CSMD3: variants seen among roughly 807,000 people sequenced by gnomAD.
CSMD3 encodes CUB and sushi domain-containing protein 3.
Under a neutral mutation model 435.2 loss-of-function variants are expected in CSMD3, and 177 were observed. The observed-to-expected ratio is 0.41, with a 90% CI of 0.36 to 0.46. The LOEUF (loss-of-function observed/expected upper bound fraction) is 0.46, where lower values mean the gene tolerates loss of function less well. Ranked by LOEUF, CSMD3 falls within the 20% of genes least tolerant of loss-of-function variation. The pLI is 0.34. For missense variants in CSMD3, 4,265 were observed against 4,504.6 expected (o/e 0.95, Z 1.52); for synonymous variants, 1,656 against 1,520.5 (o/e 1.09, Z -2.07).
At chr8:112,910,096 T>C (rs540232014) in intron 10 of CSMD3, among the ~76,000 whole-genome samples, 2 of 151,954 alleles carry the variant, frequency 1.3e-5, no homozygotes, top group East Asian at 3.9e-4. Context: ...TGCAGTTAAA[T>C]TGACCAATTT....
intron 30 of CSMD3, among the ~76,000 whole-genome samples, chr8:112,502,197 C>T (rs1235796166): frequency 1.3e-5 from 2 of 152,196 alleles, no homozygotes; most frequent in Non-Finnish European, 2.9e-5. Context: ...AGCTCACTCT[C>T]TCTAAAAGAG....
At chr8:113,103,970 C>A (rs2090403271) in intron 4 of CSMD3, among the ~76,000 whole-genome samples, 1 of 151,932 alleles carries the variant, frequency 6.6e-6, no homozygotes. Flanking sequence ...GGGTATGAGA[C>A]CACACCATTT....
chr8:112,431,499 T>C (rs1813706619), intron 32 of CSMD3, among the ~76,000 whole-genome samples: 1 of 152,084 alleles, frequency 6.6e-6, no homozygotes, highest in African/African-American at 2.4e-5. Context: ...AGTAATGACT[T>C]AGAGAAAAGG....
chr8:112,353,461 T>A (rs1471007895), intron 38 of CSMD3, among the ~76,000 whole-genome samples: 1 of 152,192 alleles, frequency 6.6e-6, no homozygotes, highest in Non-Finnish European at 1.5e-5. Context: ...CTACTTGAAT[T>A]CAGTATTTTT....
intron 57 of CSMD3, among the ~76,000 whole-genome samples, 188 bp from the exon 58 acceptor site, chr8:112,287,434 T>C (rs942434834): frequency 6.6e-6 from 1 of 152,042 alleles, no homozygotes; most frequent in East Asian, 1.9e-4. Flanking sequence ...AAAAAGAAAA[T>C]AGTTGCAGAG....
intron 5 of CSMD3, among the ~76,000 whole-genome samples, chr8:113,040,396 C>T (rs2087556100): frequency 6.6e-6 from 1 of 152,086 alleles, no homozygotes; most frequent in South Asian, 2.1e-4. Flanking sequence ...TGATTTGCAT[C>T]TGATAAAAAC....
chr8:112,936,936 T>A (rs2083297374), intron 9 of CSMD3, among the ~76,000 whole-genome samples: 1 of 152,156 alleles, frequency 6.6e-6, no homozygotes, highest in Non-Finnish European at 1.5e-5. Context: ...AATTGTCTTT[T>A]TATTTTTATT....
Position 112,228,827 on chromosome 8 carries a change from T to C in CSMD3, c.10893A>G (p.Val3631=), listed in dbSNP as rs2129837124. ...NQPHGTNSSS[V]AIAILVPFFA... ...AAAAAGGCACAAGAATAGCAATGGC[T>C]ACAGAACTACTATTTGTACCATGAG... The change falls in exon 70 of 71, where the codon GTA becomes GTG. Residue 3631 remains valine (V), a synonymous_variant. Transcript: ENST00000297405. 6.3e-7 allele frequency: 1 copy of C among 1,589,526 alleles called. No homozygotes were observed. The highest frequency in any genetic ancestry group is 8.6e-7 in the Non-Finnish European group (1 of 1,158,316).
chr8:112,262,607 G>A (rs888249219), intron 61 of CSMD3, among the ~76,000 whole-genome samples: 3 of 152,110 alleles, frequency 2.0e-5, no homozygotes, highest in Non-Finnish European at 4.4e-5. Flanking sequence ...GGTGACCAGA[G>A]AAGGCAATAC....
intron 3 of CSMD3, among the ~76,000 whole-genome samples, chr8:113,260,737 C>T (rs117860097): frequency 3.9e-5 from 6 of 152,066 alleles, no homozygotes; most frequent in Admixed American, 1.3e-4. Flanking sequence ...TTAAGCCCCA[C>T]TCCATAGGCC....
intron 13 of CSMD3, among the ~76,000 whole-genome samples, chr8:112,695,413 A>G (rs566169316): frequency 6.6e-6 from 1 of 152,322 alleles, no homozygotes; most frequent in East Asian, 1.9e-4. Context: ...ACATCCTTGC[A>G]AGGCTGGTTC....
At chr8:113,043,933 G>A (rs990005772) in intron 5 of CSMD3, among the ~76,000 whole-genome samples, 9 of 151,884 alleles carry the variant, frequency 5.9e-5, no homozygotes, top group African/African-American at 2.2e-4. Flanking sequence ...ACATATCCTA[G>A]GATTTTAAAA....
At chr8:112,817,126 CT>C (rs1255300351) in intron 12 of CSMD3, among the ~76,000 whole-genome samples, 1 of 152,096 alleles carries the variant, frequency 6.6e-6, no homozygotes, top group Non-Finnish European at 1.5e-5. Flanking sequence ...ATATTTTAAA[CT>C]TTTATGTTGC....
At chr8:113,312,714 T>TA (rs1167731492) in intron 2 of CSMD3, 3 of 152,134 alleles carry the variant, frequency 2.0e-5, no homozygotes, top group Non-Finnish European at 4.4e-5. Context: ...ATTGCCAGTG[T>TA]AAAAAATTGT....
rs140185517 is a variant in CSMD3, at chr8:112,758,810, T to A, written c.1972+41352A>T. ...CATGGTATCTCACACATGAAAAGTG[T>A]TTGATGAATACTAGTTTTTAATGGG... On this transcript the variant is annotated intron_variant, in intron 13 of 70. Coordinates refer to ENST00000297405, the MANE Select transcript of CSMD3 (RefSeq NM_198123.2). Among the ~76,000 whole-genome samples, 6 of 152,276 alleles carry A rather than the reference T, an allele frequency of 3.9e-5. No homozygotes were observed. In the East Asian group the frequency reaches 1.2e-3, roughly 29 times the overall value.
At chr8:112,493,932 T>C (rs1820956254) in intron 30 of CSMD3, among the ~76,000 whole-genome samples, 1 of 152,134 alleles carries the variant, frequency 6.6e-6, no homozygotes. Flanking sequence ...TGTTTTGTGC[T>C]AATAAGAAAT....
intron 68 of CSMD3, among the ~76,000 whole-genome samples, chr8:112,233,475 A>C: frequency 6.6e-6 from 1 of 152,168 alleles, no homozygotes; most frequent in African/African-American, 2.4e-5. Context: ...TGCATTGAAG[A>C]TTTGACTCAG....
intron 16 of CSMD3, among the ~76,000 whole-genome samples, chr8:112,681,828 T>A (rs776789386): frequency 6.6e-6 from 1 of 152,088 alleles, no homozygotes; most frequent in Non-Finnish European, 1.5e-5. Flanking sequence ...GATTGCACCA[T>A]TGCATTCCAG....
intron 22 of CSMD3, among the ~76,000 whole-genome samples, chr8:112,627,327 C>CA (rs1169370503): frequency 6.6e-6 from 1 of 152,090 alleles, no homozygotes; most frequent in Non-Finnish European, 1.5e-5. Flanking sequence ...TGAACTTGGG[C>CA]AAATTCCAAA....
Sources: gnomAD v4.1 joint callset for allele counts (sites outside exome capture counted in the v4.1 genomes callset) on GRCh38, gnomAD v4.1.1 for gene constraint, MANE v1.5 for transcripts, NCBI Gene and HGNC (gene_info 2026-07-23, HGNC 2026-07-21) for gene names.